The following POM121C variants were observed in gnomAD, a reference collection of about 807,000 sequenced individuals.
The protein encoded by POM121C is POM121 transmembrane nucleoporin C, also known as nuclear envelope pore membrane protein POM 121C.
A neutral mutation model predicts 66.4 loss-of-function variants in POM121C; 20 were observed. The ratio of observed to expected loss-of-function variants is 0.30; its 90% CI spans 0.21 to 0.44. The LOEUF (loss-of-function observed/expected upper bound fraction) is 0.44, where lower values mean the gene tolerates loss of function less well. POM121C is among the 20% of genes least tolerant of loss of function. POM121C has a pLI of 1.00. For synonymous variants in POM121C, 286 were observed against 528.0 expected (o/e 0.54, Z 6.28); for missense variants, 580 against 1,225.7 (o/e 0.47, Z 7.87).
At chr7:75,418,962 C>T (rs113561610) in intron 14 of POM121C, 69 bp from the exon 15 acceptor site, 192,200 of 1,507,502 alleles carry the variant, frequency 0.13, 13,830 homozygotes, top group African/African-American at 0.28. Flanking sequence ...GTGCCCAAAT[C>T]TCTGGAAGGC....
chr7:75,431,074 C>CCAAAAAAAAAAAAAAAA lies in POM121C; in HGVS notation c.481-4622_481-4621insTTTTTTTTTTTTTTTTG. ...CTGGTGACAGAGCGAGACTCTGTCT[C>CCAAAAAAAAAAAAAAAA]AAAAAAAAAAAAAAAAAAAAAAAAA... On this transcript the variant is annotated intron_variant, in intron 7 of 14. Coordinates refer to ENST00000615331, the MANE Select transcript of POM121C (RefSeq NM_001099415.3). Among the ~76,000 whole-genome samples the CCAAAAAAAAAAAAAAAA allele has an allele frequency of 3.3e-5, 2 of 59,716 alleles. 1 individual carries two copies. The highest frequency in any genetic ancestry group is 1.3e-4 in the African/African-American group (2 of 15,260). The allele number at this position is 59,716 out of a possible 152,430, so 39.2% of individuals were successfully genotyped here.
Position 75,417,588 on chromosome 7 carries a change from G to A in POM121C, c.*1208C>T, listed in dbSNP as rs1554469978. ...GGATGGGCTGCAGAGGGCCCTGTTT[G>A]GGAAAAATAGGATTTTAAAAATATG... On this transcript the variant is annotated 3_prime_UTR_variant, in exon 15 of 15. Transcript: ENST00000615331. The A allele has an allele frequency of 1.0e-6, 1 of 978,240 alleles. No homozygotes were observed. Among genetic ancestry groups the A allele is most frequent in the East Asian group, 1.1e-4 (1 of 8,790 alleles). The allele number at this position is 978,240 out of a possible 1,614,324, so 60.6% of individuals were successfully genotyped here.
rs782512094 is a variant in POM121C, at chr7:75,421,587, C to T, written c.2665G>A (p.Ala889Thr). The change falls in exon 13 of 15, where the codon GCC becomes ACC. Residue 889 changes from alanine to threonine, a missense_variant. Ala to Thr is a moderately conservative substitution (Grantham distance 58, BLOSUM62 0). Coordinates refer to ENST00000615331, the MANE Select transcript of POM121C (RefSeq NM_001099415.3). ...GTGCTCTGGCCGGTGGTGCCCAGGG[C>T]GTTCTGACCTAAGCCCCCTGTGAAG... ...TPFTGGLGQN[A>T]LGTTGQSTPF... is the part of the protein sequence containing the mutation. The T allele has an allele frequency of 2.2e-5, 35 of 1,613,184 alleles. No individual in the cohort carries two copies. The highest frequency in any genetic ancestry group is 1.8e-4 in the Admixed American group (11 of 59,988).
At chr7:75,437,957 G>A (rs1299163246) in intron 6 of POM121C, among the ~76,000 whole-genome samples, 1 of 152,182 alleles carries the variant, frequency 6.6e-6, no homozygotes. Flanking sequence ...GGGGACACGG[G>A]TGGAACTAAA....
At chr7:75,470,166 A>C (rs1458398306) in intron 3 of POM121C, among the ~76,000 whole-genome samples, 2 of 130,384 alleles carry the variant, frequency 1.5e-5, no homozygotes, top group East Asian at 4.8e-4. Flanking sequence ...CCAAAGTGCT[A>C]GGGTTACAGG....
intron 3 of POM121C, among the ~76,000 whole-genome samples, chr7:75,455,939 A>AC (rs1247098612): frequency 3.3e-5 from 5 of 152,178 alleles, no homozygotes; most frequent in African/African-American, 1.2e-4. Context: ...CTGCATGAGG[A>AC]AAAACTTCAT....
At position 75,424,508 on chromosome 7, in the gene POM121C, A is replaced by G. The variant is rs781940939; in HGVS notation, c.871+18T>C. The G allele has an allele frequency of 6.2e-7, 1 of 1,612,594 alleles. No homozygotes were observed. The highest frequency in any genetic ancestry group is 1.1e-5 in the South Asian group (1 of 91,040). On this transcript the variant is annotated intron_variant, in intron 11 of 14. Coordinates refer to ENST00000615331, the MANE Select transcript of POM121C (RefSeq NM_001099415.3). ...ACACCTGAAACCTCTCGAGAGTGCA[A>G]CGATCTGTGCTCCTTACCACTCTTG...
chr7:75,437,445 T>C (rs1474578795), intron 7 of POM121C, 70 bp downstream of exon 7: 42 of 1,538,498 alleles, frequency 2.7e-5, no homozygotes, highest in Non-Finnish European at 3.5e-5. Flanking sequence ...TAAGCTACCA[T>C]GTCTGGCCCT....
intron 7 of POM121C, among the ~76,000 whole-genome samples, chr7:75,435,036 C>A (rs1296161707): frequency 6.6e-6 from 1 of 152,220 alleles, no homozygotes; most frequent in Non-Finnish European, 1.5e-5. Flanking sequence ...AGCAAAATCA[C>A]ATGCGCATTT....
At chr7:75,465,410 A>C (rs1430995489) in intron 3 of POM121C, among the ~76,000 whole-genome samples, 2 of 148,470 alleles carry the variant, frequency 1.3e-5, no homozygotes, top group Non-Finnish European at 3.0e-5. Context: ...GTTCAAGACC[A>C]GTCTGGCAAC....
chr7:75,444,187 A>C (rs1214689534), intron 3 of POM121C, among the ~76,000 whole-genome samples: 4 of 130,368 alleles, frequency 3.1e-5, no homozygotes, highest in Admixed American at 2.6e-4. Context: ...GATCCTCCCC[A>C]ACCCAGTGCC....
At chr7:75,462,844 T>C (rs1258705477) in intron 3 of POM121C, among the ~76,000 whole-genome samples, 1 of 151,224 alleles carries the variant, frequency 6.6e-6, no homozygotes, top group Admixed American at 6.6e-5. Flanking sequence ...CTGTGGAGAG[T>C]TTCTATGGGA....
chr7:75,427,726 T>C (rs1790012681), intron 7 of POM121C, among the ~76,000 whole-genome samples: 1 of 152,106 alleles, frequency 6.6e-6, no homozygotes, highest in African/African-American at 2.4e-5. Flanking sequence ...GAAAAGCTGC[T>C]AGTGATTTCT....
rs187606203 is a variant in POM121C at position 75,440,458 on chromosome 7, C to T, written c.227+496G>A. On this transcript the variant is annotated intron_variant, in intron 5 of 14. Transcript: ENST00000615331. ...TGGCGGGCGCCTGTAGTCCCAGCTA[C>T]TCGGGGGGCTGAGGCAGGAGAATGG... 1,552 of 163,292 alleles carry T rather than the reference C, an allele frequency of 9.5e-3. 29 individuals carry two copies. The highest frequency in any genetic ancestry group is 0.035 in the African/African-American group (1,454 of 41,312). 10.1% of individuals were successfully genotyped at this position (163,292 alleles called of 1,614,324 possible).
intron 3 of POM121C, among the ~76,000 whole-genome samples, chr7:75,461,617 GC>G (rs1791444493): frequency 6.6e-6 from 1 of 151,976 alleles, no homozygotes; most frequent in South Asian, 2.1e-4. Context: ...TGCCATGTTG[GC>G]CAGGCTGGTC....
rs782012655 is a variant in POM121C, at chr7:75,424,200, C to T, written c.897G>A (p.Glu299=). ...KSDAASNSVT[E]TPPTTQPSFT... is the part of the protein sequence containing the mutation. Reference sequence around the variant, plus strand: ...ATGAAGGCTGAGTGGTAGGTGGGGTCTCAGTGACAGAGTTCGAGGCAGCAT... The same window carrying T: ...ATGAAGGCTGAGTGGTAGGTGGGGTTTCAGTGACAGAGTTCGAGGCAGCAT... Residue 299 remains glutamate (E), a synonymous_variant, in exon 12 of 15, where the codon GAG becomes GAA. Transcript: ENST00000615331. 2.5e-6 allele frequency: 4 copies of T among 1,611,850 alleles called. No homozygotes were observed. The South Asian group carries it at 3.3e-5, about 13-fold the overall frequency.
chr7:75,439,284 T>C (rs1253674795), intron 5 of POM121C, 60 bp from the exon 6 acceptor site: 2 of 1,602,508 alleles, frequency 1.2e-6, no homozygotes, highest in Non-Finnish European at 1.7e-6. Flanking sequence ...CCCTTTAAAG[T>C]GTATTCTCAC....
At position 75,418,731 on chromosome 7, in the gene POM121C, T is replaced by C; in HGVS notation, c.*65A>G. ...CGCAGCTGGAAGGGTCCAAGGCTCTTTCTAGCACGTGCCAAGGTCCAGATT... is the reference window on the plus strand; with the variant it reads ...CGCAGCTGGAAGGGTCCAAGGCTCTCTCTAGCACGTGCCAAGGTCCAGATT... On this transcript the variant is annotated 3_prime_UTR_variant, in exon 15 of 15. Coordinates refer to ENST00000615331, the MANE Select transcript of POM121C (RefSeq NM_001099415.3). 6.5e-7 allele frequency: 1 copy of C among 1,535,328 alleles called. No individual in the cohort carries two copies. Among genetic ancestry groups the C allele is most frequent in the Admixed American group, 2.2e-5 (1 of 46,098 alleles).
At position 75,485,032 on chromosome 7, in the gene POM121C, T is replaced by C. The variant is rs587691553; in HGVS notation, c.-458+832A>G. Among the ~76,000 whole-genome samples, 522 of 152,018 alleles carry C rather than the reference T, an allele frequency of 3.4e-3. 2 individuals carry two copies. The highest frequency in any genetic ancestry group is 0.012 in the African/African-American group (500 of 41,460). On this transcript the variant is annotated intron_variant, in intron 1 of 14. Transcript: ENST00000615331. ...CTGGCGACTTTTGTATTTTTTGTAG[T>C]CAGGGTGTCCCCATGTTGTCTAGGC...
Sources: gnomAD v4.1 joint callset for allele counts (sites outside exome capture counted in the v4.1 genomes callset) on GRCh38, gnomAD v4.1.1 for gene constraint, MANE v1.5 for transcripts, NCBI Gene and HGNC (gene_info 2026-07-23, HGNC 2026-07-21) for gene names.